Variants in GYS2 observed in about 807,000 individuals in gnomAD.
GYS2 encodes the protein glycogen [starch] synthase, liver.
GYS2 carries 80 observed loss-of-function variants against 85.6 expected under a neutral mutation model. That is an observed-to-expected ratio of 0.93 (90% CI 0.78 to 1.13). The LOEUF is 1.13. Ranked by LOEUF, GYS2 falls within the 50% of genes most tolerant of loss-of-function variation. The pLI, the probability that GYS2 is intolerant of heterozygous loss-of-function variation, is 0.00. For missense variants in GYS2, 881 were observed against 854.9 expected (o/e 1.03, Z -0.38); for synonymous variants, 328 against 300.7 (o/e 1.09, Z -0.94).
intron 11 of GYS2, among the ~76,000 whole-genome samples, chr12:21,556,685 G>C (rs11046116): frequency 0.72 from 109,962 of 151,862 alleles, 40,347 homozygotes; most frequent in South Asian, 0.8. Flanking sequence ...AAACCAGTTT[G>C]TGCGAAAGAC....
chr12:21,599,757 T>C (rs1211641736), intron 1 of GYS2, among the ~76,000 whole-genome samples: 1 of 152,146 alleles, frequency 6.6e-6, no homozygotes, highest in Non-Finnish European at 1.5e-5. Context: ...TATTTCTCTT[T>C]TTGTGTTTAA....
At chr12:21,558,028 C>T (rs1944204385) in intron 11 of GYS2, among the ~76,000 whole-genome samples, 172 bp downstream of exon 11, 1 of 152,096 alleles carries the variant, frequency 6.6e-6, no homozygotes, top group Admixed American at 6.6e-5. Context: ...AAGAATTATA[C>T]CAAAATATTC....
chr12:21,559,278 G>A (rs1944222330), intron 9 of GYS2, 109 bp from the exon 10 acceptor site: 1 of 624,888 alleles, frequency 1.6e-6, no homozygotes, highest in Non-Finnish European at 2.8e-6. Context: ...AATAAATAAT[G>A]TTGATTATTC....
At chr12:21,537,338 A>T (rs1015388587) in intron 15 of GYS2, 163 bp from the exon 16 acceptor site, 2 of 658,312 alleles carry the variant, frequency 3.0e-6, no homozygotes, top group Admixed American at 4.5e-5. Flanking sequence ...CACCAATCTC[A>T]AGAGGGATTC....
intron 7 of GYS2, among the ~76,000 whole-genome samples, chr12:21,562,348 G>A (rs771050838): frequency 1.3e-5 from 2 of 152,152 alleles, no homozygotes; most frequent in African/African-American, 4.8e-5. Flanking sequence ...TCGTGCTGTC[G>A]GGTTTGGCTG....
Position 21,537,073 on chromosome 12 carries a change from C to T in GYS2, c.1993G>A (p.Asp665Asn). ...QSSDVEDEVE[D>N]ERYDEEEEAE... Reference sequence around the variant, plus strand: ...TCCTCTTCCTCATCGTATCTCTCATCCTCCACTTCATCTTCCACATCACTG... The same window carrying T: ...TCCTCTTCCTCATCGTATCTCTCATTCTCCACTTCATCTTCCACATCACTG... The change falls in exon 16 of 16, where the codon GAT becomes AAT. Residue 665 changes from aspartate to asparagine, a missense_variant. Transcript: ENST00000261195. 1 of 1,613,832 alleles carries T rather than the reference C, an allele frequency of 6.2e-7. No individual in the cohort carries two copies. Among genetic ancestry groups the T allele is most frequent in the Non-Finnish European group, 8.5e-7 (1 of 1,179,784 alleles).
chr12:21,580,290 T>G, intron 2 of GYS2, 52 bp downstream of exon 2: 1 of 1,487,180 alleles, frequency 6.7e-7, no homozygotes, highest in Non-Finnish European at 9.4e-7. Context: ...GTTACAGTCT[T>G]TTTTCCCATA....
intron 12 of GYS2, among the ~76,000 whole-genome samples, chr12:21,544,728 G>T (rs1944018031): frequency 6.6e-6 from 1 of 152,186 alleles, no homozygotes; most frequent in Non-Finnish European, 1.5e-5. Flanking sequence ...AGATCTGCAA[G>T]AGAGATACCC....
At chr12:21,562,094 G>C (rs907864475) in intron 7 of GYS2, among the ~76,000 whole-genome samples, 1 of 152,002 alleles carries the variant, frequency 6.6e-6, no homozygotes, top group Non-Finnish European at 1.5e-5. Flanking sequence ...TTTTATAGTT[G>C]CTTTTATTTA....
chr12:21,559,211 G>C, intron 9 of GYS2, 42 bp from the exon 10 acceptor site: 1 of 1,088,740 alleles, frequency 9.2e-7, no homozygotes, highest in Non-Finnish European at 1.4e-6. Flanking sequence ...AAAACAGCTG[G>C]CACTAATTCA....
At chr12:21,585,417 G>T (rs1223940888) in intron 1 of GYS2, among the ~76,000 whole-genome samples, 1 of 152,126 alleles carries the variant, frequency 6.6e-6, no homozygotes. Context: ...CCACAATGGA[G>T]GTAAGGAAGC....
chr12:21,547,941 G>C (rs1944061158), intron 11 of GYS2, among the ~76,000 whole-genome samples: 1 of 152,040 alleles, frequency 6.6e-6, no homozygotes, highest in Non-Finnish European at 1.5e-5. Flanking sequence ...TATTAAAAGT[G>C]GATATATACA....
chr12:21,536,906 TCTTA>T lies in GYS2; in HGVS notation c.*44_*47del, dbSNP rs757946902. ...TGGCATTTTTATTTTAAATAATTAG[TCTTA>T]CTTTGCTTTTTTAAATTAGCTCTTC... On this transcript the variant is annotated 3_prime_UTR_variant, in exon 16 of 16. Coordinates refer to ENST00000261195, the MANE Select transcript of GYS2 (RefSeq NM_021957.4). 16 of 1,251,334 alleles carry T rather than the reference TCTTA, an allele frequency of 1.3e-5. No homozygotes were observed. Among genetic ancestry groups the T allele is most frequent in the Non-Finnish European group, 2.3e-6 (2 of 851,086 alleles). The allele number at this position is 1,251,334 out of a possible 1,614,324, so 77.5% of individuals were successfully genotyped here.
downstream of GYS2, among the ~76,000 whole-genome samples, chr12:21,533,430 A>C (rs1430048792): frequency 6.6e-6 from 1 of 152,246 alleles, no homozygotes; most frequent in East Asian, 1.9e-4. Context: ...ACCACAAAGA[A>C]AGGGAAGTTG....
At chr12:21,581,639 C>A (rs1375061144) in intron 1 of GYS2, among the ~76,000 whole-genome samples, 5 of 152,154 alleles carry the variant, frequency 3.3e-5, no homozygotes, top group African/African-American at 1.2e-4. Context: ...AATATTGCTG[C>A]TACCTCTATT....
chr12:21,564,423 T>C (rs1208435987), intron 5 of GYS2, among the ~76,000 whole-genome samples: 1 of 121,448 alleles, frequency 8.2e-6, no homozygotes, highest in Non-Finnish European at 1.8e-5. Flanking sequence ...AGAGTGAGAC[T>C]CCATCTCAAA....
chr12:21,601,160 G>A (rs755382882), intron 1 of GYS2, among the ~76,000 whole-genome samples: 1 of 152,062 alleles, frequency 6.6e-6, no homozygotes, highest in African/African-American at 2.4e-5. Flanking sequence ...AATGATTGTA[G>A]TAAGACCTGG....
At chr12:21,588,800 C>T (rs776289848) in intron 1 of GYS2, among the ~76,000 whole-genome samples, 2 of 152,312 alleles carry the variant, frequency 1.3e-5, no homozygotes, top group South Asian at 2.1e-4. Context: ...CTAAGTATTT[C>T]CTCAAATTCT....
chr12:21,603,369 G>A (rs1439342426), intron 1 of GYS2, among the ~76,000 whole-genome samples: 1 of 151,996 alleles, frequency 6.6e-6, no homozygotes, highest in Non-Finnish European at 1.5e-5. Context: ...GCATACACAC[G>A]AGAACTTTGA....
Sources: allele counts gnomAD v4.1 joint callset (sites outside exome capture counted in the v4.1 genomes callset), GRCh38; gene constraint gnomAD v4.1.1; transcripts MANE v1.5; gene names NCBI Gene and HGNC (gene_info 2026-07-23, HGNC 2026-07-21).